Variants in ALPL observed in about 807,000 individuals in gnomAD.
ALPL encodes alkaline phosphatase, tissue-nonspecific isozyme.
ALPL carries 42 observed loss-of-function variants against 51.3 expected under a neutral mutation model. The observed-to-expected ratio is 0.82, with a 90% confidence interval of 0.64 to 1.06. The LOEUF is 1.06. ALPL is among the 50% of genes least tolerant of loss of function. The probability of loss-of-function intolerance (pLI) is 0.00; values close to 1 mark genes in which losing one functional copy is unlikely to be tolerated. For missense variants in ALPL, 589 were observed against 709.4 expected, an observed-to-expected ratio of 0.83 and a Z score of 1.93; for synonymous variants, 279 against 296.4, an observed-to-expected ratio of 0.94 and a Z score of 0.60.
At position 21,561,155 on chromosome 1, in the gene ALPL, C is replaced by A. The variant is rs756611513; in HGVS notation, c.240C>A (p.Asn80Lys). ...TCCTCAAGGGTCAGCTCCACCACAA[C>A]CCTGGGGAGGAGACCAGGCTGGAGA... ...ARILKGQLHH[N>K]PGEETRLEMD... Residue 80 changes from asparagine to lysine, a missense_variant, in exon 4 of 12, where the codon AAC becomes AAA. Coordinates refer to ENST00000374840, the MANE Select transcript of ALPL (RefSeq NM_000478.6). 6.2e-7 allele frequency: 1 copy of A among 1,613,712 alleles called. No homozygotes were observed. The highest frequency in any genetic ancestry group is 2.2e-5 in the East Asian group (1 of 44,868).
At chr1:21,569,583 C>T (rs939426562) in intron 7 of ALPL, among the ~76,000 whole-genome samples, 13 of 152,086 alleles carry the variant, frequency 8.5e-5, no homozygotes, top group East Asian at 3.9e-4. Flanking sequence ...AGGGGGGGTG[C>T]GGAGCCCCAC....
At chr1:21,512,830 G>A (rs1218263717) in intron 1 of ALPL, among the ~76,000 whole-genome samples, 1 of 152,124 alleles carries the variant, frequency 6.6e-6, no homozygotes, top group Non-Finnish European at 1.5e-5. Context: ...GAAATCAATT[G>A]TTTGCATTGA....
At chr1:21,572,317 G>A (rs759818333) in intron 8 of ALPL, among the ~76,000 whole-genome samples, 3 of 152,160 alleles carry the variant, frequency 2.0e-5, no homozygotes, top group Non-Finnish European at 2.9e-5. Flanking sequence ...CATGGCTGGC[G>A]AGTTGGTCTT....
intron 1 of ALPL, among the ~76,000 whole-genome samples, chr1:21,530,954 A>ATTTTTTTTTT (rs34079543): frequency 1.9e-5 from 2 of 103,988 alleles, no homozygotes; most frequent in Non-Finnish European, 3.7e-5. Context: ...ATCATTTTTG[A>ATTTTTTTTTT]TTTTTTTTTT....
Position 21,569,376 on chromosome 1 carries a change from G to T in ALPL, c.793-929G>T, listed in dbSNP as rs79245298. Among the ~76,000 whole-genome samples, 1,334 of 152,318 alleles carry T rather than the reference G, an allele frequency of 8.8e-3. 30 individuals carry two copies. The highest frequency in any genetic ancestry group is 0.031 in the African/African-American group (1,271 of 41,576). ...ATGGCCCCGAGCCTGGCCACATTGG[G>T]TATCAGGTCCCGTGTAGGCCCCACA... On this transcript the variant is annotated intron_variant, in intron 7 of 11. Transcript: ENST00000374840.
chr1:21,559,567 TG>T (rs900215618), intron 2 of ALPL, among the ~76,000 whole-genome samples: 3 of 152,160 alleles, frequency 2.0e-5, no homozygotes, highest in African/African-American at 7.2e-5. Context: ...TCACCCAGGC[TG>T]GAGTGCAGTG....
At chr1:21,575,002 C>G (rs559072974) in intron 9 of ALPL, among the ~76,000 whole-genome samples, 165 of 152,352 alleles carry the variant, frequency 1.1e-3, no homozygotes, top group African/African-American at 3.1e-3. Flanking sequence ...GGCTGCTGGG[C>G]CAAGCCTCCA....
At chr1:21,532,097 C>T (rs1644038627) in intron 1 of ALPL, among the ~76,000 whole-genome samples, 1 of 152,180 alleles carries the variant, frequency 6.6e-6, no homozygotes, top group Non-Finnish European at 1.5e-5. Flanking sequence ...GTCCCACCAC[C>T]AGCCAGAGCA....
rs786204634 is a variant in ALPL, at chr1:21,570,321, G to A, written c.809G>A (p.Trp270Ter). ...TCCTCCTAGCACTCCCACTTCATCT[G>A]GAACCGCACGGAACTCCTGACCCTT... is the stretch of plus-strand genomic sequence containing the variant. Reference protein sequence around the residue: ...KPRYKHSHFIWNRTELLTLDP... With the variant: ...KPRYKHSHFI The change falls in exon 8 of 12, where the codon TGG becomes TAG. Residue 270 changes from tryptophan to a stop codon, truncating the protein, a stop_gained. Coordinates refer to ENST00000374840, the MANE Select transcript of ALPL (RefSeq NM_000478.6). LOFTEE classifies it high-confidence loss of function. 13 of 1,614,122 alleles carry A rather than the reference G, an allele frequency of 8.1e-6. No homozygotes were observed. The highest frequency in any genetic ancestry group is 1.7e-5 in the Admixed American group (1 of 60,012).
At chr1:21,509,200 G>A (rs1052139863), upstream of ALPL, among the ~76,000 whole-genome samples, 6 of 151,960 alleles carry the variant, frequency 3.9e-5, no homozygotes, top group African/African-American at 1.4e-4. The surrounding 1 kb of genome is among the most constrained non-coding windows in gnomAD (Gnocchi z 6.0). Context: ...GGCGAGGGAC[G>A]CCAGGGCCGC....
intron 10 of ALPL, among the ~76,000 whole-genome samples, chr1:21,576,234 G>A (rs1644730998): frequency 1.4e-5 from 2 of 147,182 alleles, no homozygotes; most frequent in Non-Finnish European, 3.0e-5. Context: ...ATGGATGGAT[G>A]GATGGATGGA....
At chr1:21,536,862 T>C (rs973452425) in intron 1 of ALPL, among the ~76,000 whole-genome samples, 3 of 151,040 alleles carry the variant, frequency 2.0e-5, no homozygotes, top group African/African-American at 7.3e-5. Context: ...ACTTCTGCAT[T>C]GTACCTTTTG....
At chr1:21,540,683 C>T (rs1260330860) in intron 1 of ALPL, among the ~76,000 whole-genome samples, 1 of 152,204 alleles carries the variant, frequency 6.6e-6, no homozygotes, top group Non-Finnish European at 1.5e-5. Context: ...ACCCCAAACT[C>T]CACACATTCC....
chr1:21,509,049 C>T (rs945476362), upstream of ALPL, among the ~76,000 whole-genome samples: 1 of 151,988 alleles, frequency 6.6e-6, no homozygotes, highest in Admixed American at 6.5e-5. The surrounding 1 kb of genome is among the most constrained non-coding windows in gnomAD (Gnocchi z 6.0). Flanking sequence ...AGACTCCCAC[C>T]AAGAGACGCA....
rs2148135312 is a variant in ALPL, at chr1:21,554,102, A to G, written c.21A>G (p.Val7=). The change falls in exon 2 of 12, where the codon GTA becomes GTG. Residue 7 remains valine (V), a synonymous_variant. Transcript: ENST00000374840. The part of the protein sequence containing the change: MISPFL[V]LAIGTCLTNS... ...GCACCATGATTTCACCATTCTTAGT[A>G]CTGGCCATTGGCACCTGCCTTACTA... 3.8e-6 allele frequency: 6 copies of G among 1,588,252 alleles called. No homozygotes were observed. The highest frequency in any genetic ancestry group is 5.2e-6 in the Non-Finnish European group (6 of 1,164,438).
At chr1:21,570,976 C>T (rs150498749) in intron 8 of ALPL, among the ~76,000 whole-genome samples, 286 of 152,332 alleles carry the variant, frequency 1.9e-3, no homozygotes, top group African/African-American at 5.9e-3. Context: ...AACACAGCTC[C>T]GCGTCCTGGG....
intron 2 of ALPL, among the ~76,000 whole-genome samples, chr1:21,555,920 G>A (rs182326839): frequency 0.011 from 1,618 of 151,604 alleles, 31 homozygotes; most frequent in African/African-American, 0.037. Context: ...ACAGGTGCCC[G>A]CCACCACGCG....
chr1:21,554,803 GT>G, intron 2 of ALPL, among the ~76,000 whole-genome samples: 1 of 42,786 alleles, frequency 2.3e-5, no homozygotes, highest in Middle Eastern at 0.01. Context: ...CTGTCTGTCT[GT>G]CTGTCTGTCT....
intron 4 of ALPL, among the ~76,000 whole-genome samples, chr1:21,562,857 C>T (rs1006823573): frequency 2.0e-5 from 3 of 152,180 alleles, no homozygotes; most frequent in Admixed American, 6.5e-5. Flanking sequence ...AATCTTCCGC[C>T]GGACACTTCT....
Sources: gnomAD v4.1 joint callset for allele counts (sites outside exome capture counted in the v4.1 genomes callset) on GRCh38, gnomAD v4.1.1 for gene constraint, Gnocchi (gnomAD v3.1) non-coding constraint, MANE v1.5 for transcripts, NCBI Gene and HGNC (gene_info 2026-07-23, HGNC 2026-07-21) for gene names.